Variants in ADGRL3 observed in about 807,000 individuals in gnomAD.
The protein encoded by ADGRL3 is calcium-independent alpha-latrotoxin receptor 3.
ADGRL3 carries 62 observed loss-of-function variants against 153.5 expected under a neutral mutation model. The observed-to-expected ratio is 0.40, with a 90% confidence interval of 0.33 to 0.50. ADGRL3 has a LOEUF of 0.50. ADGRL3 is among the 20% of genes least tolerant of loss of function. ADGRL3 has a pLI of 0.47. For synonymous variants in ADGRL3, 710 were observed against 672.5 expected (o/e 1.06, Z -0.86); for missense variants, 1,641 against 1,859.4 (o/e 0.88, Z 2.16).
In ADGRL3 at chr4:61,524,926, G is replaced by C. The variant is rs747827659; in HGVS notation, c.259+7408G>C. On this transcript the variant is annotated intron_variant, in intron 4 of 26. Coordinates refer to ENST00000683033, the MANE Select transcript of ADGRL3 (RefSeq NM_001387552.1). ...TTTTGGGCACATTCAAGGGTTCGTA[G>C]CTTGGGTAACTGAACATTGATTATA... Among the ~76,000 whole-genome samples the C allele has an allele frequency of 6.6e-4, 101 of 152,076 alleles. 1 individual carries two copies. Among genetic ancestry groups the C allele is most frequent in the Non-Finnish European group, 6.2e-4 (42 of 67,994 alleles).
At chr4:61,980,817 G>T (rs2099065663) in intron 18 of ADGRL3, among the ~76,000 whole-genome samples, 1 of 151,986 alleles carries the variant, frequency 6.6e-6, no homozygotes, top group Non-Finnish European at 1.5e-5. Flanking sequence ...TTTCTTTTTA[G>T]TGCTAAATAA....
chr4:61,548,821 C>T (rs1007275704), intron 4 of ADGRL3, among the ~76,000 whole-genome samples: 133 of 151,858 alleles, frequency 8.8e-4, no homozygotes, highest in African/African-American at 3.1e-3. Flanking sequence ...TTTTTGGTTC[C>T]ATGTGAATTT....
intron 8 of ADGRL3, among the ~76,000 whole-genome samples, chr4:61,804,921 C>CTTTA (rs377521778): frequency 0.12 from 17,776 of 147,474 alleles, 1,163 homozygotes; most frequent in African/African-American, 0.17. Flanking sequence ...TTTCCTGTGC[C>CTTTA]TTTATTTATT....
chr4:61,773,417 C>A (rs1037094234), intron 8 of ADGRL3, among the ~76,000 whole-genome samples: 1 of 152,086 alleles, frequency 6.6e-6, no homozygotes, highest in African/African-American at 2.4e-5. Flanking sequence ...GCAAAACAAT[C>A]CAGATTATAA....
chr4:61,395,409 AAAG>A (rs1214083850), intron 2 of ADGRL3, among the ~76,000 whole-genome samples: 2 of 152,006 alleles, frequency 1.3e-5, no homozygotes, highest in Non-Finnish European at 2.9e-5. Flanking sequence ...ATTGATAAAC[AAAG>A]AATAATGAAT....
At chr4:61,238,227 T>C (rs1418097587) in intron 1 of ADGRL3, among the ~76,000 whole-genome samples, 1 of 152,152 alleles carries the variant, frequency 6.6e-6, no homozygotes, top group Non-Finnish European at 1.5e-5. Context: ...CATTGCCTCT[T>C]TAGATCTTCT....
intron 1 of ADGRL3, among the ~76,000 whole-genome samples, chr4:61,322,879 G>A (rs943633768): frequency 1.3e-5 from 2 of 152,188 alleles, no homozygotes; most frequent in African/African-American, 4.8e-5. Context: ...AGCTCCACTA[G>A]GTGGTGCCCC....
Position 61,623,899 on chromosome 4 carries a change from C to G in ADGRL3, c.473+36459C>G, listed in dbSNP as rs79520181. ...GAACATGAACTGAAACCAAGGAGAA[C>G]AGTCAGGAAGTGCTTGAAGGTGGAA... On this transcript the variant is annotated intron_variant, in intron 5 of 26. Transcript: ENST00000683033. Among the ~76,000 whole-genome samples the G allele has an allele frequency of 1.4e-4, 21 of 152,118 alleles. No individual in the cohort carries two copies. The East Asian group carries it at 3.9e-3, about 28-fold the overall frequency.
At chr4:61,797,396 G>A (rs550545438) in intron 8 of ADGRL3, among the ~76,000 whole-genome samples, 7 of 152,034 alleles carry the variant, frequency 4.6e-5, no homozygotes, top group Non-Finnish European at 7.4e-5. Context: ...TATTTTCTCC[G>A]AACTTAACGC....
intron 6 of ADGRL3, among the ~76,000 whole-genome samples, chr4:61,710,255 A>C (rs2095944624): frequency 6.6e-6 from 1 of 152,180 alleles, no homozygotes. Flanking sequence ...TATTGACTCT[A>C]TTGTTCAGAA....
chr4:61,936,207 C>T (rs543984297), intron 15 of ADGRL3, among the ~76,000 whole-genome samples, 162 bp downstream of exon 15: 1 of 152,156 alleles, frequency 6.6e-6, no homozygotes, highest in South Asian at 2.1e-4. Flanking sequence ...TACTGTACAG[C>T]ACCATCAATA....
rs186053819 is a variant in ADGRL3, at chr4:61,350,791, C to T, written c.-239-32333C>T. Among the ~76,000 whole-genome samples, 70 of 152,194 alleles carry T rather than the reference C, an allele frequency of 4.6e-4. 1 individual carries two copies. Among genetic ancestry groups the T allele is most frequent in the East Asian group, 9.7e-4 (5 of 5,162 alleles). ...ACCTATTCGATAAATGTATGCATGT[C>T]CTGGCTGCTCCTTGAGCCGGCTGTT... is the stretch of plus-strand genomic sequence containing the variant. On this transcript the variant is annotated intron_variant, in intron 1 of 26. Coordinates refer to ENST00000683033, the MANE Select transcript of ADGRL3 (RefSeq NM_001387552.1).
intron 1 of ADGRL3, among the ~76,000 whole-genome samples, chr4:61,352,660 C>T (rs962405989): frequency 6.6e-6 from 1 of 152,156 alleles, no homozygotes; most frequent in Non-Finnish European, 1.5e-5. Context: ...GCTGGGATTA[C>T]AGGTGTGAGC....
rs1560495151 is a variant in ADGRL3, at chr4:62,006,021, TA to T, written c.3395+7757del. ...ACACACACATATATATATATATATATATATATATATATTTTTTTTTTTTTTT... is the reference window on the plus strand; with the variant it reads ...ACACACACATATATATATATATATATTATATATATATTTTTTTTTTTTTTT... On this transcript the variant is annotated intron_variant, in intron 21 of 26. Coordinates refer to ENST00000683033, the MANE Select transcript of ADGRL3 (RefSeq NM_001387552.1). 1.4e-3 allele frequency among the ~76,000 whole-genome samples: 149 copies of T among 103,860 alleles called. 1 individual carries two copies. The highest frequency in any genetic ancestry group is 4.8e-3 in the African/African-American group (138 of 28,550). 68.1% of individuals were successfully genotyped at this position (103,860 alleles called of 152,430 possible).
chr4:61,837,607 G>C (rs1285147551), intron 9 of ADGRL3, among the ~76,000 whole-genome samples: 2 of 152,082 alleles, frequency 1.3e-5, no homozygotes, highest in African/African-American at 4.8e-5. Flanking sequence ...CCCACTAGGA[G>C]TAGTCTCACC....
intron 2 of ADGRL3, among the ~76,000 whole-genome samples, chr4:61,488,379 G>A (rs932249991): frequency 2.0e-5 from 3 of 151,996 alleles, no homozygotes; most frequent in Non-Finnish European, 4.4e-5. Flanking sequence ...GATGTGTTGA[G>A]ATTTAGCATT....
chr4:61,380,050 AAGT>A (rs2096648937), intron 1 of ADGRL3, among the ~76,000 whole-genome samples: 1 of 152,002 alleles, frequency 6.6e-6, no homozygotes, highest in East Asian at 1.9e-4. Context: ...CTTGCCAAAA[AAGT>A]AAGAATTTTA....
At position 61,561,017 on chromosome 4, in the gene ADGRL3, T is replaced by G. The variant is rs371363766; in HGVS notation, c.260-26210T>G. Reference sequence around the variant, plus strand: ...TAAATAAATTAACAAGTATCTTTTATTTAACATTGTCTCAAGGTGCCTAAG... The same window carrying G: ...TAAATAAATTAACAAGTATCTTTTAGTTAACATTGTCTCAAGGTGCCTAAG... On this transcript the variant is annotated intron_variant, in intron 4 of 26. Coordinates refer to ENST00000683033, the MANE Select transcript of ADGRL3 (RefSeq NM_001387552.1). 1.2e-4 allele frequency among the ~76,000 whole-genome samples: 18 copies of G among 152,270 alleles called. No individual in the cohort carries two copies. In the East Asian group the frequency reaches 2.3e-3, roughly 20 times the overall value.
chr4:61,731,794 C>T (rs576319375), intron 7 of ADGRL3, among the ~76,000 whole-genome samples: 3 of 152,180 alleles, frequency 2.0e-5, no homozygotes, highest in South Asian at 2.1e-4. Context: ...TCAAGGACCA[C>T]CCTTTGGGAA....
Sources: gnomAD v4.1 joint callset for allele counts (sites outside exome capture counted in the v4.1 genomes callset) on GRCh38, gnomAD v4.1.1 for gene constraint, MANE v1.5 for transcripts, NCBI Gene and HGNC (gene_info 2026-07-23, HGNC 2026-07-21) for gene names.